CFAP61: variants seen among roughly 807,000 people sequenced by gnomAD.
The protein encoded by CFAP61 is cilia and flagella associated protein 61.
Under a neutral mutation model 135.6 loss-of-function variants are expected in CFAP61, and 107 were observed. The observed-to-expected ratio is 0.79, with a 90% CI of 0.67 to 0.93. CFAP61 has a LOEUF of 0.93. Ranked by LOEUF, CFAP61 falls within the 40% of genes least tolerant of loss-of-function variation. CFAP61 has a pLI of 0.00. For synonymous variants in CFAP61, 575 were observed against 578.5 expected (o/e 0.99, Z 0.09); for missense variants, 1,507 against 1,556.2 (o/e 0.97, Z 0.53).
At chr20:20,243,823 T>C (rs2050206672) in intron 18 of CFAP61, among the ~76,000 whole-genome samples, 1 of 152,214 alleles carries the variant, frequency 6.6e-6, no homozygotes, top group Non-Finnish European at 1.5e-5. Flanking sequence ...CTTCTGCCTA[T>C]GACCATGTAA....
intron 26 of CFAP61, among the ~76,000 whole-genome samples, chr20:20,351,453 G>A (rs1475348939): frequency 6.6e-6 from 1 of 151,788 alleles, no homozygotes; most frequent in African/African-American, 2.4e-5. Context: ...GTGGTGGCGG[G>A]TGCCTGTAAT....
At chr20:20,251,873 G>A in intron 20 of CFAP61, 110 bp downstream of exon 20, 1 of 1,139,910 alleles carries the variant, frequency 8.8e-7, no homozygotes, top group South Asian at 1.4e-5. Context: ...CCCTCTGCCT[G>A]GACAGCTGCT....
intron 18 of CFAP61, among the ~76,000 whole-genome samples, chr20:20,241,320 T>C (rs115184098): frequency 0.014 from 2,142 of 152,160 alleles, 53 homozygotes; most frequent in African/African-American, 0.049. Context: ...ACTTGAAGGT[T>C]GGAGAAAGGC....
At chr20:20,236,881 T>A (rs2049633130) in intron 18 of CFAP61, among the ~76,000 whole-genome samples, 1 of 152,244 alleles carries the variant, frequency 6.6e-6, no homozygotes, top group Non-Finnish European at 1.5e-5. Flanking sequence ...ATAGCTACCA[T>A]CTTGGTATTT....
intron 1 of CFAP61, among the ~76,000 whole-genome samples, chr20:20,054,013 G>GGT (rs2044033109): frequency 3.4e-5 from 2 of 59,106 alleles, no homozygotes; most frequent in East Asian, 1.0e-3. Flanking sequence ...TTTTTTGTTT[G>GGT]TTTTTTTTTT....
At chr20:20,128,524 A>G (rs2050251289) in intron 8 of CFAP61, among the ~76,000 whole-genome samples, 1 of 151,578 alleles carries the variant, frequency 6.6e-6, no homozygotes, top group African/African-American at 2.4e-5. Context: ...TGGGGCACTC[A>G]CAGTATTTGG....
rs528099929 is a variant in CFAP61 at position 20,171,789 on chromosome 20, G to T, written c.1385+2329G>T. ...TTATTTAATGAATGTAGAAACATTTGTCTGGGAAGGAGTTCATAGCATCAC... is the reference window on the plus strand; with the variant it reads ...TTATTTAATGAATGTAGAAACATTTTTCTGGGAAGGAGTTCATAGCATCAC... On this transcript the variant is annotated intron_variant, in intron 13 of 26. Coordinates refer to ENST00000245957, the MANE Select transcript of CFAP61 (RefSeq NM_015585.4). 1.2e-4 allele frequency: 87 copies of T among 709,088 alleles called. No homozygotes were observed. The African/African-American group carries it at 1.3e-3, about 10-fold the overall frequency. The allele number at this position is 709,088 out of a possible 1,614,324, so 43.9% of individuals were successfully genotyped here.
chr20:20,169,396 G>T lies in CFAP61; in HGVS notation c.1321G>T (p.Val441Phe), dbSNP rs1392783077. The change falls in exon 13 of 27, where the codon GTC (valine) becomes TTC (phenylalanine). Residue 441 changes from valine to phenylalanine, a missense_variant. Physicochemically the swap from Val to Phe is conservative, Grantham distance 50. Coordinates refer to ENST00000245957, the MANE Select transcript of CFAP61 (RefSeq NM_015585.4). Reference protein sequence around the residue: ...FFLIQNFVKMVPFNTCTLEQD... With the variant: ...FFLIQNFVKMFPFNTCTLEQD... ...CCTCATCCAGAACTTCGTGAAAATG[G>T]TCCCTTTCAACACCTGCACCCTCGA... 1 of 1,613,768 alleles carries T rather than the reference G, an allele frequency of 6.2e-7. No individual in the cohort carries two copies. The highest frequency in any genetic ancestry group is 1.7e-5 in the Admixed American group (1 of 59,974).
chr20:20,226,249 C>G (rs1365606583), intron 17 of CFAP61: 2 of 152,130 alleles, frequency 1.3e-5, no homozygotes, highest in Non-Finnish European at 2.9e-5. Flanking sequence ...TTGCTTTGGC[C>G]AGATTTTAAA....
chr20:20,096,837 G>A (rs1291750761), intron 7 of CFAP61, among the ~76,000 whole-genome samples: 1 of 152,148 alleles, frequency 6.6e-6, no homozygotes, highest in Non-Finnish European at 1.5e-5. Flanking sequence ...AAATTAAAAT[G>A]TTTATTTTGG....
chr20:20,289,443 T>C (rs994623037), intron 23 of CFAP61, among the ~76,000 whole-genome samples: 3 of 152,204 alleles, frequency 2.0e-5, no homozygotes, highest in Non-Finnish European at 4.4e-5. Context: ...TCATGAGTAA[T>C]GCAGGGTTCC....
chr20:20,283,246 A>C (rs936154086), intron 22 of CFAP61, among the ~76,000 whole-genome samples: 1 of 152,132 alleles, frequency 6.6e-6, no homozygotes, highest in Non-Finnish European at 1.5e-5. Flanking sequence ...ATGAGCATTT[A>C]TAGTTGTTAT....
rs775276235 is a variant in CFAP61, at chr20:20,354,635, TA to T, written c.3514-5574del. Among the ~76,000 whole-genome samples the T allele has an allele frequency of 4.1e-4, 63 of 151,902 alleles. 1 individual carries two copies. Among genetic ancestry groups the T allele is most frequent in the Non-Finnish European group, 8.2e-4 (56 of 67,978 alleles). ...GGTGGTCATACTGTGTGAAGGGAGA[TA>T]GTCACACTGAGGGAAGGTGGTCACA... On this transcript the variant is annotated intron_variant, in intron 26 of 26. Transcript: ENST00000245957.
intron 17 of CFAP61, among the ~76,000 whole-genome samples, chr20:20,213,632 AT>A: frequency 6.6e-6 from 1 of 152,288 alleles, no homozygotes; most frequent in East Asian, 1.9e-4. Context: ...TTATTAAATA[AT>A]TCTTTTTAAT....
At chr20:20,223,595 T>C (rs2048540310) in intron 17 of CFAP61, among the ~76,000 whole-genome samples, 2 of 152,236 alleles carry the variant, frequency 1.3e-5, no homozygotes, top group African/African-American at 4.8e-5. Flanking sequence ...GAATCTAACA[T>C]TGAAATTGAG....
chr20:20,093,726 G>T (rs1017049632), intron 7 of CFAP61, among the ~76,000 whole-genome samples: 1 of 152,078 alleles, frequency 6.6e-6, no homozygotes, highest in African/African-American at 2.4e-5. Flanking sequence ...CACCAGGCAT[G>T]AATTGTGTAC....
intron 8 of CFAP61, among the ~76,000 whole-genome samples, chr20:20,117,694 C>T (rs77824818): frequency 0.025 from 3,803 of 151,748 alleles, 153 homozygotes; most frequent in African/African-American, 0.087. Context: ...GTCGTTTTAA[C>T]GATATTCTTC....
chr20:20,063,123 A>C (rs576211676), intron 2 of CFAP61, among the ~76,000 whole-genome samples: 2 of 152,388 alleles, frequency 1.3e-5, no homozygotes, highest in South Asian at 2.1e-4. Context: ...AATGGTCGGC[A>C]CAAGTGCCTT....
At chr20:20,118,021 C>T (rs1168713209) in intron 8 of CFAP61, among the ~76,000 whole-genome samples, 1 of 152,050 alleles carries the variant, frequency 6.6e-6, no homozygotes, top group Non-Finnish European at 1.5e-5. Context: ...TATAAGATCA[C>T]GTTGTCTGTG....
Sources: allele counts gnomAD v4.1 joint callset (sites outside exome capture counted in the v4.1 genomes callset), GRCh38; gene constraint gnomAD v4.1.1; transcripts MANE v1.5; gene names NCBI Gene and HGNC (gene_info 2026-07-23, HGNC 2026-07-21).